Variants in CD1B observed in about 807,000 individuals in gnomAD.
CD1B encodes T-cell surface glycoprotein CD1b.
CD1B carries 43 observed loss-of-function variants against 39.8 expected under a neutral mutation model. That is an observed-to-expected ratio of 1.08 (90% CI 0.85 to 1.39). CD1B has a LOEUF of 1.39. CD1B is among the 40% of genes most tolerant of loss of function. The pLI is 0.00. For missense variants in CD1B, 495 were observed against 403.8 expected (o/e 1.23, Z -1.94); for synonymous variants, 192 against 152.5 (o/e 1.26, Z -1.91).
the CD1B span, among the ~76,000 whole-genome samples, chr1:158,289,228 C>T: frequency 2.0e-5 from 3 of 152,310 alleles, no homozygotes; most frequent in African/African-American, 4.8e-5. Flanking sequence ...CAGTTTAAAA[C>T]TCTTTGATAG....
chr1:158,301,290 A>G, the CD1B span, among the ~76,000 whole-genome samples: 1 of 152,200 alleles, frequency 6.6e-6, no homozygotes, highest in Middle Eastern at 3.4e-3. Flanking sequence ...GCTCATTTAT[A>G]TTTAAGGTTA....
At chr1:158,305,981 C>T in the CD1B span, among the ~76,000 whole-genome samples, 1 of 152,290 alleles carries the variant, frequency 6.6e-6, no homozygotes, top group South Asian at 2.1e-4. Context: ...AAAAACATGC[C>T]AAATTGTAAA....
At chr1:158,293,795 C>T in the CD1B span, among the ~76,000 whole-genome samples, 1 of 151,984 alleles carries the variant, frequency 6.6e-6, no homozygotes. Context: ...CTACTTGAGT[C>T]TTTCATTTCA....
rs1184090384 is a variant in CD1B at position 158,330,140 on chromosome 1, G to C, written c.329-10C>G. ...TGGATCTCAAAGGGGTCTATGTAGAGGGAAAAGAGAGCAAGTTATTAAACA... is the reference window on the plus strand; with the variant it reads ...TGGATCTCAAAGGGGTCTATGTAGACGGAAAAGAGAGCAAGTTATTAAACA... On this transcript the variant is annotated splice_polypyrimidine_tract_variant and intron_variant, in intron 2 of 5. Coordinates refer to ENST00000368168, the MANE Select transcript of CD1B (RefSeq NM_001764.3). 4.4e-6 allele frequency: 7 copies of C among 1,575,826 alleles called. No homozygotes were observed. In the South Asian group the frequency reaches 4.7e-5, roughly 11 times the overall value.
chr1:158,321,696 G>A, the CD1B span, among the ~76,000 whole-genome samples: 20 of 152,186 alleles, frequency 1.3e-4, 1 homozygote, highest in African/African-American at 4.1e-4. Flanking sequence ...TTTACTTTGT[G>A]GTTATCATGA....
the CD1B span, among the ~76,000 whole-genome samples, chr1:158,319,059 G>C: frequency 0.018 from 2,704 of 151,634 alleles, 73 homozygotes; most frequent in African/African-American, 0.062. Context: ...GCTTCCCTTT[G>C]AGGGTAACCC....
the CD1B span, among the ~76,000 whole-genome samples, chr1:158,308,114 G>C: frequency 1.3e-5 from 2 of 152,180 alleles, no homozygotes; most frequent in Admixed American, 1.3e-4. Context: ...ATCTCCTTAA[G>C]CTGATAGGCA....
At chr1:158,304,774 T>C in the CD1B span, among the ~76,000 whole-genome samples, 1 of 152,180 alleles carries the variant, frequency 6.6e-6, no homozygotes. Flanking sequence ...ACATTTGCTG[T>C]TCACCAATAT....
downstream of CD1B, among the ~76,000 whole-genome samples, chr1:158,323,761 G>A (rs562830154): frequency 5.4e-4 from 82 of 152,224 alleles, no homozygotes; most frequent in African/African-American, 1.8e-3. Context: ...AGGTTGGCAT[G>A]GAGCCCTTAT....
In CD1B at chr1:158,329,449, C is replaced by T; in HGVS notation, c.807G>A (p.Val269=). ...WTWYLRATLD[V]ADGEAAGLSC... ...ACAGGCCAGCCGCCTCCCCATCTGCCACATCCAGGGTTGCTCGGAGATACC... is the reference window on the plus strand; with the variant it reads ...ACAGGCCAGCCGCCTCCCCATCTGCTACATCCAGGGTTGCTCGGAGATACC... Residue 269 remains valine (V), a synonymous_variant, in exon 4 of 6, where the codon GTG becomes GTA. Transcript: ENST00000368168. 1.9e-6 allele frequency: 3 copies of T among 1,614,198 alleles called. No homozygotes were observed. The highest frequency in any genetic ancestry group is 2.5e-6 in the Non-Finnish European group (3 of 1,180,040).
chr1:158,328,526 A>G (rs1184215872), intron 5 of CD1B, among the ~76,000 whole-genome samples: 1 of 152,214 alleles, frequency 6.6e-6, no homozygotes, highest in African/African-American at 2.4e-5. Context: ...CACTTATATA[A>G]GGTACCTAGA....
intron 2 of CD1B, chr1:158,330,466 A>T (rs1652552810): frequency 7.2e-6 from 4 of 555,502 alleles, no homozygotes; most frequent in Non-Finnish European, 1.3e-5. Flanking sequence ...GAAAAGATGG[A>T]TTAGGGGAGA....
the CD1B span, chr1:158,293,770 T>C: frequency 1.7e-6 from 1 of 573,976 alleles, no homozygotes; most frequent in Non-Finnish European, 3.1e-6. Context: ...CAACACTTCC[T>C]ACCCTGTGTT....
At chr1:158,305,122 G>A in the CD1B span, among the ~76,000 whole-genome samples, 1 of 152,180 alleles carries the variant, frequency 6.6e-6, no homozygotes, top group Non-Finnish European at 1.5e-5. Flanking sequence ...GAAGGCATCA[G>A]ACGATCAAAC....
the CD1B span, among the ~76,000 whole-genome samples, chr1:158,304,779 C>G: frequency 2.6e-5 from 4 of 152,172 alleles, no homozygotes; most frequent in Admixed American, 2.6e-4. Context: ...TGCTGTTCAC[C>G]AATATCTGCT....
At chr1:158,330,441 G>A (rs1419641694) in intron 2 of CD1B, 18 of 556,112 alleles carry the variant, frequency 3.2e-5, no homozygotes, top group Middle Eastern at 3.2e-4. Context: ...AGGAGGGTGC[G>A]GGGAGGAGAT....
At chr1:158,327,197 C>G (rs949531368), downstream of CD1B, among the ~76,000 whole-genome samples, 2 of 152,120 alleles carry the variant, frequency 1.3e-5, no homozygotes, top group Admixed American at 1.3e-4. Flanking sequence ...TTTTACAAAC[C>G]TCTTGCTAGC....
downstream of CD1B, among the ~76,000 whole-genome samples, chr1:158,323,410 G>T (rs1409466645): frequency 6.6e-6 from 1 of 151,926 alleles, no homozygotes; most frequent in South Asian, 2.1e-4. Flanking sequence ...GTGTTTTACT[G>T]AAATTCACTA....
At chr1:158,314,033 AT>A in the CD1B span, among the ~76,000 whole-genome samples, 1 of 151,856 alleles carries the variant, frequency 6.6e-6, no homozygotes, top group Non-Finnish European at 1.5e-5. Context: ...CTATGATTTT[AT>A]TTTTTTGACT....
Sources: allele counts gnomAD v4.1 joint callset (sites outside exome capture counted in the v4.1 genomes callset), GRCh38; gene constraint gnomAD v4.1.1; transcripts MANE v1.5; gene names NCBI Gene and HGNC (gene_info 2026-07-23, HGNC 2026-07-21).